ALG6: variants seen among roughly 807,000 people sequenced by gnomAD.
ALG6 encodes dolichyl pyrophosphate Man9GlcNAc2 alpha-1,3-glucosyltransferase.
ALG6 carries 46 observed loss-of-function variants against 66.6 expected under a neutral mutation model. The observed-to-expected ratio is 0.69, with a 90% CI of 0.55 to 0.88. The LOEUF (loss-of-function observed/expected upper bound fraction) is 0.88, where lower values mean the gene tolerates loss of function less well. Among genes scored for constraint, ALG6 ranks in the 40% least tolerant of loss-of-function variants. ALG6 has a pLI of 0.00. For synonymous variants in ALG6, 185 were observed against 203.7 expected (o/e 0.91, Z 0.78); for missense variants, 505 against 586.8 (o/e 0.86, Z 1.44).
intron 1 of ALG6, among the ~76,000 whole-genome samples, chr1:63,368,187 A>G (rs1203240850): frequency 6.6e-6 from 1 of 152,168 alleles, no homozygotes; most frequent in Admixed American, 6.5e-5. Context: ...TGGCCAGTGG[A>G]TGGGTTAGAA....
intron 2 of ALG6, among the ~76,000 whole-genome samples, chr1:63,390,609 A>T (rs142780736): frequency 8.7e-4 from 132 of 152,194 alleles, no homozygotes; most frequent in African/African-American, 3.0e-3. Context: ...CTGCCTTTCA[A>T]ATTTATTTAA....
intron 3 of ALG6, among the ~76,000 whole-genome samples, chr1:63,400,329 A>ACG (rs1644456096): frequency 2.8e-5 from 1 of 35,950 alleles, no homozygotes; most frequent in Non-Finnish European, 4.4e-5. Context: ...ACGTATATAT[A>ACG]TATATACGTA....
rs1463890121 is a variant in ALG6, at chr1:63,436,862, A to G, written c.1366A>G (p.Met456Val). The change falls in exon 15 of 15, where the codon ATG (methionine) becomes GTG (valine). Residue 456 changes from methionine (M) to valine (V), a missense_variant. Coordinates refer to ENST00000263440, the MANE Select transcript of ALG6 (RefSeq NM_013339.4). ...CATCACTATGGTGCTTCTGACGTTG[A>G]TGACTGTCACACTGGATCCTCCTCA... ...SVITMVLLTL[M>V]TVTLDPPQKL... 3.1e-6 allele frequency: 5 copies of G among 1,613,598 alleles called. No homozygotes were observed. Among genetic ancestry groups the G allele is most frequent in the Non-Finnish European group, 4.2e-6 (5 of 1,179,768 alleles).
At chr1:63,436,760 A>AT in intron 14 of ALG6, 63 bp from the exon 15 acceptor site, 8 of 1,489,538 alleles carry the variant, frequency 5.4e-6, no homozygotes, top group African/African-American at 1.4e-5. Flanking sequence ...CTACAAGTCA[A>AT]TGTTTCCAGC....
intron 12 of ALG6, among the ~76,000 whole-genome samples, chr1:63,424,217 T>G (rs925962712): frequency 1.3e-5 from 2 of 152,182 alleles, no homozygotes; most frequent in Non-Finnish European, 2.9e-5. Context: ...CTCAGCTCAC[T>G]GCAACCTCCG....
chr1:63,408,425 C>T (rs1644500542), intron 7 of ALG6, among the ~76,000 whole-genome samples: 1 of 152,154 alleles, frequency 6.6e-6, no homozygotes. Context: ...GTAATTCTAT[C>T]ACTGAGAGAG....
At chr1:63,422,559 G>A (rs1331679171) in intron 12 of ALG6, among the ~76,000 whole-genome samples, 4 of 149,218 alleles carry the variant, frequency 2.7e-5, no homozygotes, top group African/African-American at 7.4e-5. Context: ...TAAGATGAGG[G>A]CTGGGAATAT....
Position 63,399,332 on chromosome 1 carries a change from A to G in ALG6, c.167+2735A>G, listed in dbSNP as rs146925443. On this transcript the variant is annotated intron_variant, in intron 3 of 14. Transcript: ENST00000263440. ...AACAGAAGCACAAGAGTGATATCCT[A>G]TCACATTTACCATATTGTATTAGTT... Among the ~76,000 whole-genome samples the G allele has an allele frequency of 7.2e-5, 11 of 152,326 alleles. No individual in the cohort carries two copies. In the East Asian group the frequency reaches 1.7e-3, roughly 24 times the overall value.
Position 63,407,137 on chromosome 1 carries a change from C to T in ALG6, c.494+11C>T, listed in dbSNP as rs755272027. The T allele has an allele frequency of 3.1e-6, 5 of 1,589,744 alleles. No individual in the cohort carries two copies. Among genetic ancestry groups the T allele is most frequent in the African/African-American group, 1.3e-5 (1 of 74,470 alleles). ...CTATGGACATTTTCAGTATCCTTTA[C>T]TAATGCAGAAATGAAGTCAGTTGCA... On this transcript the variant is annotated intron_variant, in intron 7 of 14. Transcript: ENST00000263440.
At chr1:63,427,007 A>C (rs369108520) in intron 12 of ALG6, among the ~76,000 whole-genome samples, 3 of 151,890 alleles carry the variant, frequency 2.0e-5, no homozygotes, top group Admixed American at 6.6e-5. Flanking sequence ...GTCCTCTAGT[A>C]ATTTCTTTCT....
chr1:63,414,109 A>G lies in ALG6; in HGVS notation c.865A>G (p.Lys289Glu), dbSNP rs1459149997. The G allele has an allele frequency of 3.1e-6, 5 of 1,613,276 alleles. No individual in the cohort carries two copies. Among genetic ancestry groups the G allele is most frequent in the Non-Finnish European group, 4.2e-6 (5 of 1,179,378 alleles). ...CAGCTTCAATGTCTTTCTGAAGATT[A>G]AGGATATTTTGCCACGTCACATCCA... ...WCSFNVFLKI[K>E]DILPRHIQLI... is the part of the protein sequence containing the mutation. Residue 289 changes from lysine to glutamate, a missense_variant, in exon 10 of 15, where the codon AAG becomes GAG. Lys to Glu is a moderately conservative substitution (Grantham distance 56). Transcript: ENST00000263440.
rs1644450473 is a variant in ALG6 at position 63,400,265 on chromosome 1, A to G, written c.168-1989A>G. On this transcript the variant is annotated intron_variant, in intron 3 of 14. Transcript: ENST00000263440. The stretch of plus-strand genomic sequence containing the variant: ...TATACGTATATATATGTATATATAT[A>G]TACGTATATATATATACGTATATAT... Among the ~76,000 whole-genome samples, 13 of 1,692 alleles carry G rather than the reference A, an allele frequency of 7.7e-3. No individual in the cohort carries two copies. In the East Asian group the frequency reaches 0.11, roughly 14 times the overall value. 1.1% of individuals were successfully genotyped at this position (1,692 alleles called of 152,430 possible).
At chr1:63,416,313 T>C (rs918425153) in intron 11 of ALG6, among the ~76,000 whole-genome samples, 8 of 152,140 alleles carry the variant, frequency 5.3e-5, no homozygotes, top group African/African-American at 1.7e-4. Flanking sequence ...AAGGGAGATA[T>C]TATCTCGGGG....
chr1:63,383,761 C>T (rs1322252409), intron 2 of ALG6, among the ~76,000 whole-genome samples: 2 of 152,146 alleles, frequency 1.3e-5, no homozygotes, highest in Non-Finnish European at 2.9e-5. Context: ...CTATCAAATA[C>T]TAGATCTTAT....
intron 2 of ALG6, among the ~76,000 whole-genome samples, chr1:63,372,832 G>A (rs1221111522): frequency 1.3e-5 from 2 of 151,874 alleles, no homozygotes; most frequent in African/African-American, 2.4e-5. Flanking sequence ...GCTAATTTTT[G>A]TATTTTTAGT....
At chr1:63,400,320 C>A (rs12409221) in intron 3 of ALG6, among the ~76,000 whole-genome samples, 2 of 4,474 alleles carry the variant, frequency 4.5e-4, no homozygotes, top group South Asian at 8.6e-3. Context: ...TATATATATA[C>A]GTATATATAT....
rs987300644 is a variant in ALG6 at position 63,437,315 on chromosome 1, G to C, written c.*295G>C. 33 of 318,796 alleles carry C rather than the reference G, an allele frequency of 1.0e-4. No homozygotes were observed. The highest frequency in any genetic ancestry group is 7.0e-4 in the African/African-American group (32 of 45,750). The allele number at this position is 318,796 out of a possible 1,614,324, so 19.7% of individuals were successfully genotyped here. Reference sequence around the variant, plus strand: ...TGTCCTTAATCCCATTGTTTACTCAGGAAATGCACTTTTTAAATGTCTTTA... The same window carrying C: ...TGTCCTTAATCCCATTGTTTACTCACGAAATGCACTTTTTAAATGTCTTTA... On this transcript the variant is annotated 3_prime_UTR_variant, in exon 15 of 15. Transcript: ENST00000263440.
intron 2 of ALG6, among the ~76,000 whole-genome samples, chr1:63,380,152 A>G (rs1053682994): frequency 1.3e-5 from 2 of 152,234 alleles, no homozygotes; most frequent in Non-Finnish European, 2.9e-5. Flanking sequence ...CTAGAAGCCA[A>G]GAAACCAGAC....
rs1644481094 is a variant in ALG6, at chr1:63,404,520, A to G, written c.325A>G (p.Lys109Glu). ...TSRGYESQAH[K>E]LFMRTTVLIA... ...ACGTGGATATGAGAGTCAGGCACAT[A>G]AGCTCTTCATGCGTACAACAGGTAA... The change falls in exon 5 of 15, where the codon AAG becomes GAG. Residue 109 changes from lysine to glutamate, a missense_variant. Lys to Glu is a moderately conservative substitution (Grantham distance 56). Coordinates refer to ENST00000263440, the MANE Select transcript of ALG6 (RefSeq NM_013339.4). 1 of 1,613,730 alleles carries G rather than the reference A, an allele frequency of 6.2e-7. No homozygotes were observed. The highest frequency in any genetic ancestry group is 1.7e-5 in the Admixed American group (1 of 60,016).
Sources: gnomAD v4.1 joint callset for allele counts (sites outside exome capture counted in the v4.1 genomes callset) on GRCh38, gnomAD v4.1.1 for gene constraint, MANE v1.5 for transcripts, NCBI Gene and HGNC (gene_info 2026-07-23, HGNC 2026-07-21) for gene names.